FAXDC2: variants seen among roughly 807,000 people sequenced by gnomAD.
FAXDC2 encodes the protein fatty acid hydroxylase domain-containing protein 2.
Under a neutral mutation model 40.9 loss-of-function variants are expected in FAXDC2, and 41 were observed. The observed-to-expected ratio is 1.00, with a 90% CI of 0.78 to 1.30. The LOEUF is 1.30. Among genes scored for constraint, FAXDC2 ranks in the 50% most tolerant of loss-of-function variants. The probability of loss-of-function intolerance (pLI) is 0.00; values close to 1 mark genes in which losing one functional copy is unlikely to be tolerated. For synonymous variants in FAXDC2, 157 were observed against 149.3 expected, an observed-to-expected ratio of 1.05 and a Z score of -0.38; for missense variants, 390 against 408.8, an observed-to-expected ratio of 0.95 and a Z score of 0.40.
intron 1 of FAXDC2, among the ~76,000 whole-genome samples, chr5:154,846,687 A>G (rs988056129): frequency 6.6e-6 from 1 of 151,690 alleles, no homozygotes; most frequent in African/African-American, 2.4e-5. Context: ...GCCTGGCCGA[A>G]GGTTCTAATA....
rs984871975 is a variant in FAXDC2 at position 154,842,830 on chromosome 5, CTT to C, written c.1-4654_1-4653del. Among the ~76,000 whole-genome samples the C allele has an allele frequency of 5.3e-3, 791 of 148,086 alleles. 10 individuals carry two copies. Among genetic ancestry groups the C allele is most frequent in the Admixed American group, 0.021 (308 of 14,582 alleles). Reference sequence around the variant, plus strand: ...CAGGTGTGAGCCACTGCACCCGGCCCTTTTTTTTTAAAAAAAAATAGAGATAT... The same window carrying C: ...CAGGTGTGAGCCACTGCACCCGGCCCTTTTTTTAAAAAAAAATAGAGATAT... On this transcript the variant is annotated intron_variant, in intron 1 of 8. Transcript: ENST00000326080.
chr5:154,831,433 G>GT (rs370064243), intron 4 of FAXDC2: 72 of 147,404 alleles, frequency 4.9e-4, no homozygotes, highest in East Asian at 3.0e-3. Context: ...ACTCATCGTT[G>GT]TTTTTTTTTT....
chr5:154,834,497 TGAAG>T, intron 4 of FAXDC2, 124 bp downstream of exon 4: 2 of 679,096 alleles, frequency 2.9e-6, no homozygotes, highest in African/African-American at 1.8e-5. Context: ...ACCACTTTTT[TGAAG>T]TTCAAGTCCT....
At chr5:154,842,522 T>G (rs1354942285) in intron 1 of FAXDC2, among the ~76,000 whole-genome samples, 3 of 122,140 alleles carry the variant, frequency 2.5e-5, no homozygotes, top group South Asian at 3.1e-4. Flanking sequence ...GTTTTTTTTT[T>G]TTTTTTTTTT....
In FAXDC2 at chr5:154,822,479, T is replaced by G; in HGVS notation, c.671A>C (p.Glu224Ala). 6.2e-7 allele frequency: 1 copy of G among 1,611,814 alleles called. No homozygotes were observed. Among genetic ancestry groups the G allele is most frequent in the Non-Finnish European group, 8.5e-7 (1 of 1,178,082 alleles). The change falls in exon 7 of 9, where the codon GAG becomes GCG. Residue 224 changes from glutamate to alanine, a missense_variant. Glu to Ala is a moderately radical substitution (Grantham distance 107). Transcript: ENST00000326080. ...GCATAGAGCTCTACTCACTGCATGCTCTATAGGGTGGGCATAGAGAGAGAT... is the reference window on the plus strand; with the variant it reads ...GCATAGAGCTCTACTCACTGCATGCGCTATAGGGTGGGCATAGAGAGAGAT... ...GVISLYAHPI[E>A]HAVSNMLPVI...
intron 1 of FAXDC2, among the ~76,000 whole-genome samples, chr5:154,846,818 A>G (rs1171742376): frequency 6.6e-6 from 1 of 152,026 alleles, no homozygotes; most frequent in African/African-American, 2.4e-5. Context: ...GCTGGAGTGC[A>G]ATGACCCAAT....
rs112595230 is a variant in FAXDC2 at position 154,821,816 on chromosome 5, G to T, written c.679-390C>A. 1.2e-3 allele frequency: 212 copies of T among 183,538 alleles called. 1 individual carries two copies. Among genetic ancestry groups the T allele is most frequent in the African/African-American group, 4.9e-3 (204 of 41,758 alleles). 11.4% of individuals were successfully genotyped at this position (183,538 alleles called of 1,614,324 possible). ...TTAAAAATTAGCCAGATGTGGCCAG[G>T]TGCGATGGCTCACTCCTATAATCCC... On this transcript the variant is annotated intron_variant, in intron 7 of 8. Coordinates refer to ENST00000326080, the MANE Select transcript of FAXDC2 (RefSeq NM_032385.5).
intron 4 of FAXDC2, among the ~76,000 whole-genome samples, 194 bp downstream of exon 4, chr5:154,834,431 C>A (rs913950927): frequency 4.6e-5 from 7 of 152,108 alleles, no homozygotes; most frequent in African/African-American, 1.7e-4. Flanking sequence ...TTCTCAGCTT[C>A]TTTTTTTAGA....
In FAXDC2 at chr5:154,830,880, C is replaced by G. The variant is rs1043193315; in HGVS notation, c.287G>C (p.Gly96Ala). The change falls in exon 5 of 9, where the codon GGG becomes GCG. Residue 96 changes from glycine to alanine, a missense_variant. By Grantham distance (60) the Gly-to-Ala change is moderately conservative (BLOSUM62 0). Coordinates refer to ENST00000326080, the MANE Select transcript of FAXDC2 (RefSeq NM_032385.5). ...TGTTGTGTCAACCACCAATAGAAGCCCATTGAAGCTCCAGAAGAAGAGACA... is the reference window on the plus strand; with the variant it reads ...TGTTGTGTCAACCACCAATAGAAGCGCATTGAAGCTCCAGAAGAAGAGACA... ...VPCLFFWSFNGLLLVVDTTGK... is the reference protein window; with the variant it reads ...VPCLFFWSFNALLLVVDTTGK... The G allele has an allele frequency of 9.3e-6, 15 of 1,613,946 alleles. No homozygotes were observed. The highest frequency in any genetic ancestry group is 1.3e-5 in the Non-Finnish European group (15 of 1,179,960).
chr5:154,845,151 G>A (rs757593245), intron 1 of FAXDC2, among the ~76,000 whole-genome samples: 32 of 152,152 alleles, frequency 2.1e-4, no homozygotes, highest in Non-Finnish European at 3.2e-4. Flanking sequence ...CAATTGTATT[G>A]TTCTGCTGAA....
intron 4 of FAXDC2, among the ~76,000 whole-genome samples, chr5:154,834,089 G>A (rs994578146): frequency 4.0e-5 from 6 of 148,586 alleles, no homozygotes; most frequent in Admixed American, 2.0e-4. Context: ...TAAATAAATT[G>A]TATATAATTA....
intron 1 of FAXDC2, among the ~76,000 whole-genome samples, chr5:154,842,353 A>G (rs1287337411): frequency 6.7e-6 from 1 of 149,610 alleles, no homozygotes; most frequent in Non-Finnish European, 1.5e-5. Context: ...ATGCACCACC[A>G]TGCCCGGCTA....
Position 154,848,046 on chromosome 5 carries a change from A to T in FAXDC2, c.-1+2437T>A, listed in dbSNP as rs1023825989. Among the ~76,000 whole-genome samples the T allele has an allele frequency of 2.0e-5, 3 of 151,916 alleles. No individual in the cohort carries two copies. The South Asian group carries it at 6.2e-4, about 32-fold the overall frequency. On this transcript the variant is annotated intron_variant, in intron 1 of 8. Transcript: ENST00000326080. ...AGTAGAGACAGGGTTTCACCATGTT[A>T]GCCAGGATGGTCTTGATCTTCTGAC...
At chr5:154,829,691 T>C (rs971427750) in intron 5 of FAXDC2, among the ~76,000 whole-genome samples, 10 of 152,232 alleles carry the variant, frequency 6.6e-5, no homozygotes, top group Non-Finnish European at 2.9e-5. Flanking sequence ...AAGCCTGCAT[T>C]TGAATCATAG....
intron 1 of FAXDC2, among the ~76,000 whole-genome samples, chr5:154,843,078 C>G (rs1241373452): frequency 6.6e-6 from 1 of 152,202 alleles, no homozygotes; most frequent in Non-Finnish European, 1.5e-5. Flanking sequence ...GCAGAGCCTT[C>G]ACGTTAGTGT....
At chr5:154,824,456 C>T (rs1171303954) in intron 5 of FAXDC2, 2 of 702,390 alleles carry the variant, frequency 2.8e-6, no homozygotes, top group Admixed American at 4.0e-5. Flanking sequence ...AGCTTGAGGC[C>T]TGCCTCTTCC....
Position 154,820,331 on chromosome 5 carries a change from T to G in FAXDC2, c.987A>C (p.Pro329=). Residue 329 remains proline (P), a synonymous_variant, in exon 9 of 9, where the codon CCA becomes CCC. Transcript: ENST00000326080. ...TPLSESIPDS[P]KRME is the part of the protein sequence containing the mutation. ...AGGCTGTCTCTCACTCCATCCTCTT[T>G]GGGGAGTCTGGGATGCTCTCAGAGA... 1 of 1,610,972 alleles carries G rather than the reference T, an allele frequency of 6.2e-7. No homozygotes were observed. The highest frequency in any genetic ancestry group is 8.5e-7 in the Non-Finnish European group (1 of 1,178,444).
intron 5 of FAXDC2, chr5:154,824,552 G>A (rs914985185): frequency 1.3e-5 from 9 of 702,412 alleles, no homozygotes; most frequent in Non-Finnish European, 2.1e-5. Flanking sequence ...GCCAGGTCTC[G>A]CCAGCCTGTT....
At chr5:154,827,320 ACC>A (rs1372578072) in intron 5 of FAXDC2, among the ~76,000 whole-genome samples, 1 of 151,204 alleles carries the variant, frequency 6.6e-6, no homozygotes, top group African/African-American at 2.4e-5. Flanking sequence ...AAAAAAAAAA[ACC>A]AACAAAACCC....
Sources: allele counts gnomAD v4.1 joint callset (sites outside exome capture counted in the v4.1 genomes callset), GRCh38; gene constraint gnomAD v4.1.1; transcripts MANE v1.5; gene names NCBI Gene and HGNC (gene_info 2026-07-23, HGNC 2026-07-21).